NRXN3: variants seen among roughly 807,000 people sequenced by gnomAD.
NRXN3 encodes the protein neurexin 3, also known as neurexin III.
Under a neutral mutation model 137.6 loss-of-function variants are expected in NRXN3, and 32 were observed. The ratio of observed to expected loss-of-function variants is 0.23; its 90% CI spans 0.18 to 0.31. The LOEUF (loss-of-function observed/expected upper bound fraction) is 0.31, where lower values mean the gene tolerates loss of function less well. NRXN3 is among the 10% of genes least tolerant of loss of function. NRXN3 has a pLI of 1.00. For missense variants in NRXN3, 1,574 were observed against 2,062.5 expected (o/e 0.76, Z 4.59); for synonymous variants, 798 against 784.5 (o/e 1.02, Z -0.29).
At chr14:79,515,138 A>C (rs2096970161) in intron 16 of NRXN3, among the ~76,000 whole-genome samples, 1 of 150,614 alleles carries the variant, frequency 6.6e-6, no homozygotes, top group Non-Finnish European at 1.5e-5. Flanking sequence ...CCTGAGAAGC[A>C]GACCTGTGGG....
At chr14:79,288,210 A>G (rs2082603614) in intron 15 of NRXN3, among the ~76,000 whole-genome samples, 1 of 152,212 alleles carries the variant, frequency 6.6e-6, no homozygotes. Context: ...TATAAAGCCC[A>G]CAATCCAACT....
intron 4 of NRXN3, among the ~76,000 whole-genome samples, chr14:78,332,925 C>T (rs1392746927): frequency 2.0e-5 from 3 of 151,944 alleles, no homozygotes; most frequent in Non-Finnish European, 4.4e-5. Flanking sequence ...GCCAGCCTGC[C>T]TATAAAATGG....
At chr14:78,892,476 G>C (rs2099161763) in intron 10 of NRXN3, among the ~76,000 whole-genome samples, 1 of 151,792 alleles carries the variant, frequency 6.6e-6, no homozygotes, top group Non-Finnish European at 1.5e-5. Flanking sequence ...TGTGAGTTTA[G>C]ACATTGTTCT....
intron 16 of NRXN3, among the ~76,000 whole-genome samples, chr14:79,487,691 C>T (rs1335090264): frequency 3.4e-5 from 5 of 146,342 alleles, no homozygotes; most frequent in African/African-American, 1.1e-4. Flanking sequence ...TCTGAATTCT[C>T]AGTTGTGTGA....
intron 4 of NRXN3, among the ~76,000 whole-genome samples, chr14:78,499,177 A>G (rs574743702): frequency 1.3e-5 from 2 of 152,086 alleles, no homozygotes; most frequent in South Asian, 2.1e-4. Context: ...CTCTATTACT[A>G]TTGTGAATAA....
rs1393610826 is a variant in NRXN3 at position 78,203,083 on chromosome 14, C to T, written c.-704+32409C>T. Among the ~76,000 whole-genome samples, 5 of 152,192 alleles carry T rather than the reference C, an allele frequency of 3.3e-5. No homozygotes were observed. In the South Asian group the frequency reaches 1.0e-3, roughly 31 times the overall value. On this transcript the variant is annotated intron_variant, in intron 1 of 20. Transcript: ENST00000335750. ...AAGGCTCATATCTGAGTCCCCATGC[C>T]TTTCTCTTTACACATGAGATGTTTC...
intron 15 of NRXN3, among the ~76,000 whole-genome samples, chr14:79,329,195 G>T (rs999539476): frequency 2.0e-5 from 3 of 152,170 alleles, no homozygotes; most frequent in African/African-American, 7.2e-5. Flanking sequence ...CATTGAGTGT[G>T]CATCCTAAGT....
chr14:79,695,377 C>A lies in NRXN3; in HGVS notation c.3707-2253C>A, dbSNP rs141948432. Reference sequence around the variant, plus strand: ...TCAAGTATAACTGTTAACTTATCACCAGTGCTGAACTATACACAAAATAAA... The same window carrying A: ...TCAAGTATAACTGTTAACTTATCACAAGTGCTGAACTATACACAAAATAAA... On this transcript the variant is annotated intron_variant, in intron 18 of 20. Coordinates refer to ENST00000335750, the MANE Select transcript of NRXN3 (RefSeq NM_001330195.2). Among the ~76,000 whole-genome samples, 274 of 151,968 alleles carry A rather than the reference C, an allele frequency of 1.8e-3. 3 individuals carry two copies. Among genetic ancestry groups the A allele is most frequent in the African/African-American group, 6.4e-3 (265 of 41,510 alleles).
intron 15 of NRXN3, among the ~76,000 whole-genome samples, chr14:79,384,818 C>T (rs189868984): frequency 3.6e-4 from 55 of 152,230 alleles, no homozygotes; most frequent in African/African-American, 6.0e-4. Context: ...AATAGTTCCA[C>T]GTTTTAGTAT....
At chr14:78,221,856 A>T (rs1186540226) in intron 1 of NRXN3, among the ~76,000 whole-genome samples, 1 of 152,198 alleles carries the variant, frequency 6.6e-6, no homozygotes, top group Non-Finnish European at 1.5e-5. Flanking sequence ...CACACCCACT[A>T]ATATTTCCTT....
chr14:78,252,157 C>CTT (rs75377107), intron 2 of NRXN3, among the ~76,000 whole-genome samples: 60 of 144,034 alleles, frequency 4.2e-4, no homozygotes, highest in African/African-American at 9.8e-4. Flanking sequence ...AAGTTTTTTT[C>CTT]TTTTTTTTTT....
At chr14:79,702,326 T>C in intron 19 of NRXN3, among the ~76,000 whole-genome samples, 1 of 152,014 alleles carries the variant, frequency 6.6e-6, no homozygotes, top group East Asian at 1.9e-4. Flanking sequence ...ATTTACAATC[T>C]AAATAGGGCA....
At chr14:78,729,501 G>A (rs1252538042) in intron 8 of NRXN3, among the ~76,000 whole-genome samples, 1 of 152,170 alleles carries the variant, frequency 6.6e-6, no homozygotes, top group Non-Finnish European at 1.5e-5. Context: ...ATTGAGAAAA[G>A]CAGTCAGGAT....
intron 15 of NRXN3, among the ~76,000 whole-genome samples, chr14:79,074,269 A>G (rs1290938711): frequency 6.6e-6 from 1 of 152,178 alleles, no homozygotes; most frequent in Admixed American, 6.6e-5. Flanking sequence ...TGCCCAATGT[A>G]TTTCAAAGGG....
At position 79,321,886 on chromosome 14, in the gene NRXN3, TAC is replaced by T. The variant is rs530121658; in HGVS notation, c.3263-145323_3263-145322del. ...CTATATATAAATATAACTATATATA[TAC>T]ACACACACACATATATATATGTAGT... On this transcript the variant is annotated intron_variant, in intron 15 of 20. Transcript: ENST00000335750. Among the ~76,000 whole-genome samples the T allele has an allele frequency of 5.2e-4, 78 of 149,336 alleles. 1 individual carries two copies. The highest frequency in any genetic ancestry group is 3.6e-3 in the Middle Eastern group (1 of 280).
Position 79,862,052 on chromosome 14 carries a change from A to G in NRXN3, c.*88A>G, listed in dbSNP as rs1027413992. On this transcript the variant is annotated 3_prime_UTR_variant, in exon 21 of 21. Coordinates refer to ENST00000335750, the MANE Select transcript of NRXN3 (RefSeq NM_001330195.2). ...TGGACGGTGAGATCTCACAGATGTC[A>G]GAACTGCTGGAACTATGAAATGGGG... The G allele has an allele frequency of 2.6e-6, 3 of 1,152,844 alleles. No individual in the cohort carries two copies. The highest frequency in any genetic ancestry group is 3.1e-5 in the African/African-American group (2 of 64,342). 71.4% of individuals were successfully genotyped at this position (1,152,844 alleles called of 1,614,324 possible).
intron 16 of NRXN3, among the ~76,000 whole-genome samples, chr14:79,541,890 T>C (rs990290713): frequency 1.3e-5 from 2 of 152,098 alleles, no homozygotes; most frequent in Non-Finnish European, 2.9e-5. Context: ...TTTGGTTGGG[T>C]AATATGAGGA....
intron 1 of NRXN3, among the ~76,000 whole-genome samples, chr14:78,214,998 G>A (rs2063111808): frequency 6.6e-6 from 1 of 152,184 alleles, no homozygotes; most frequent in African/African-American, 2.4e-5. Flanking sequence ...AATGGGGGTG[G>A]TCATGTGCAT....
At chr14:78,989,455 T>G (rs2099514104) in intron 15 of NRXN3, among the ~76,000 whole-genome samples, 2 of 152,232 alleles carry the variant, frequency 1.3e-5, no homozygotes, top group African/African-American at 4.8e-5. Context: ...AGAGAGAAAA[T>G]TATGTAATAC....
Sources: gnomAD v4.1 joint callset for allele counts (sites outside exome capture counted in the v4.1 genomes callset) on GRCh38, gnomAD v4.1.1 for gene constraint, MANE v1.5 for transcripts, NCBI Gene and HGNC (gene_info 2026-07-23, HGNC 2026-07-21) for gene names.